TMC7: variants seen among roughly 807,000 people sequenced by gnomAD.
The protein encoded by TMC7 is transmembrane channel like 7, also known as transmembrane channel-like protein 7.
TMC7 carries 54 observed loss-of-function variants against 82.9 expected under a neutral mutation model. The ratio of observed to expected loss-of-function variants is 0.65; its 90% CI spans 0.52 to 0.82. TMC7 has a LOEUF of 0.82. TMC7 is among the 40% of genes least tolerant of loss of function. TMC7 has a pLI of 0.00. For missense variants in TMC7, 820 were observed against 901.2 expected (o/e 0.91, Z 1.15); for synonymous variants, 350 against 337.9 (o/e 1.04, Z -0.39).
chr16:19,050,653 T>G (rs1961495828), intron 12 of TMC7, among the ~76,000 whole-genome samples: 1 of 151,988 alleles, frequency 6.6e-6, no homozygotes, highest in South Asian at 2.1e-4. Context: ...CATGGCTGGC[T>G]AATTTTTGTA....
chr16:19,061,953 T>C lies in TMC7; in HGVS notation c.*110T>C. On this transcript the variant is annotated 3_prime_UTR_variant, in exon 16 of 16. Transcript: ENST00000304381. ...TTGAGTGGACATTTAAAAATATATT[T>C]TTCTTGAGTTTAGGCTTTTCCATAT... The C allele has an allele frequency of 1.1e-6, 1 of 886,944 alleles. No individual in the cohort carries two copies. The highest frequency in any genetic ancestry group is 1.7e-6 in the Non-Finnish European group (1 of 599,510). The allele number at this position is 886,944 out of a possible 1,614,324, so 54.9% of individuals were successfully genotyped here. A position where few individuals can be genotyped will look rare whatever the true frequency, so the allele number is the denominator to read the frequency against.
chr16:19,009,940 CAAA>C (rs773991777), intron 2 of TMC7, among the ~76,000 whole-genome samples: 5 of 97,316 alleles, frequency 5.1e-5, no homozygotes, highest in Non-Finnish European at 4.1e-5. Context: ...GACTCCAGCT[CAAA>C]AAAAAAAAAA....
chr16:19,023,182 T>G lies in TMC7; in HGVS notation c.698T>G (p.Leu233Trp). 1 of 1,598,804 alleles carries G rather than the reference T, an allele frequency of 6.3e-7. No homozygotes were observed. Among genetic ancestry groups the G allele is most frequent in the Non-Finnish European group, 8.6e-7 (1 of 1,167,074 alleles). Residue 233 changes from leucine to tryptophan, a missense_variant, in exon 5 of 16, where the codon TTG (leucine) becomes TGG (tryptophan). By Grantham distance (61) the Leu-to-Trp change is moderately conservative. Coordinates refer to ENST00000304381, the MANE Select transcript of TMC7 (RefSeq NM_024847.4). The part of the protein sequence containing the change: ...LIYFYSYIID[L>W]LSGTGFLEET... The stretch of plus-strand genomic sequence containing the variant: ...TACTTTTACAGTTATATCATAGACT[T>G]GCTTTCTGGCACTGTAAGTATTTAA...
At position 19,047,203 on chromosome 16, in the gene TMC7, C is replaced by T. The variant is rs1961315660; in HGVS notation, c.1694C>T (p.Pro565Leu). ...GGAGCCTTTTTCTCACCCCTTCTCC[C>T]TGCAATTGCAACCCTGAAATTCATT... ...WIGAFFSPLLPAIATLKFIII... is the reference protein window; with the variant it reads ...WIGAFFSPLLLAIATLKFIII... Residue 565 changes from proline (P) to leucine (L), a missense_variant, in exon 12 of 16, where the codon CCT becomes CTT. By Grantham distance (98) the Pro-to-Leu change is moderately conservative. This residue lies in a region of TMC7 where 170 missense variants were observed against 231.3 expected (regional missense o/e 0.74). Coordinates refer to ENST00000304381, the MANE Select transcript of TMC7 (RefSeq NM_024847.4). The T allele has an allele frequency of 6.2e-7, 1 of 1,613,984 alleles. No homozygotes were observed.
At chr16:19,051,203 CCTT>C (rs2142302293) in intron 12 of TMC7, among the ~76,000 whole-genome samples, 1 of 149,124 alleles carries the variant, frequency 6.7e-6, no homozygotes, top group East Asian at 2.0e-4. Flanking sequence ...CTGGATGAAA[CCTT>C]TTTTTTTTTG....
At chr16:19,048,738 A>G (rs1222390578) in intron 12 of TMC7, among the ~76,000 whole-genome samples, 2 of 152,214 alleles carry the variant, frequency 1.3e-5, no homozygotes, top group East Asian at 1.9e-4. Context: ...TCTTTATTAT[A>G]GAGGCAATAC....
chr16:19,032,908 T>C (rs917177743), intron 6 of TMC7, among the ~76,000 whole-genome samples: 2 of 152,170 alleles, frequency 1.3e-5, no homozygotes, highest in African/African-American at 4.8e-5. Context: ...ATTACAGGCG[T>C]GAGCCACCGC....
intron 2 of TMC7, chr16:19,012,141 A>G (rs1959394510): frequency 1.3e-5 from 2 of 152,070 alleles, no homozygotes; most frequent in African/African-American, 4.8e-5. Context: ...AAAAAAAAAA[A>G]AAAAAAAGTA....
At chr16:19,005,056 T>TTTTA (rs141697169) in intron 1 of TMC7, among the ~76,000 whole-genome samples, 16,970 of 144,126 alleles carry the variant, frequency 0.12, 1,062 homozygotes, top group Non-Finnish European at 0.13. Flanking sequence ...AAATACTTTA[T>TTTTA]TTTATTTATT....
In TMC7 at chr16:19,009,271, T is replaced by A; in HGVS notation, c.167T>A (p.Val56Asp). ...YRSIARRRTT[V>D]HSRDKQSGTL... ...TCCATTGCACGTAGGAGAACGACTGTCCATTCCCGGGACAAGCAAAGCGGA... is the reference window on the plus strand; with the variant it reads ...TCCATTGCACGTAGGAGAACGACTGACCATTCCCGGGACAAGCAAAGCGGA... The change falls in exon 2 of 16, where the codon GTC becomes GAC. Residue 56 changes from valine to aspartate, a missense_variant. Physicochemically the swap from Val to Asp is radical, Grantham distance 152. This residue lies in a region of TMC7 where 650 missense variants were observed against 669.9 expected (regional missense o/e 0.97). Coordinates refer to ENST00000304381, the MANE Select transcript of TMC7 (RefSeq NM_024847.4). 6.2e-7 allele frequency: 1 copy of A among 1,614,172 alleles called. No homozygotes were observed. Among genetic ancestry groups the A allele is most frequent in the Non-Finnish European group, 8.5e-7 (1 of 1,180,030 alleles).
chr16:18,994,986 T>TA (rs1567499570), intron 1 of TMC7, among the ~76,000 whole-genome samples: 1 of 151,500 alleles, frequency 6.6e-6, no homozygotes, highest in Admixed American at 6.6e-5. Flanking sequence ...TGGATTAAGG[T>TA]GGGGAGATAC....
chr16:19,021,754 A>T lies in TMC7; in HGVS notation c.586A>T (p.Ile196Phe). The T allele has an allele frequency of 6.2e-7, 1 of 1,614,150 alleles. No homozygotes were observed. ...LLPVLLTKYK[I>F]TNSSFVLIPF... ...CCCAGTCTTACTCACGAAATACAAG[A>T]TCACCAACAGCAGCTTCGTGCTCAT... The change falls in exon 4 of 16, where the codon ATC becomes TTC. Residue 196 changes from isoleucine to phenylalanine, a missense_variant. Ile to Phe is a conservative substitution (Grantham distance 21, BLOSUM62 0). Coordinates refer to ENST00000304381, the MANE Select transcript of TMC7 (RefSeq NM_024847.4).
intron 14 of TMC7, among the ~76,000 whole-genome samples, chr16:19,058,550 TTCTC>T (rs915618460): frequency 1.3e-5 from 2 of 152,168 alleles, no homozygotes; most frequent in African/African-American, 4.8e-5. Flanking sequence ...AACCATGTCA[TTCTC>T]TCTCTTTCTG....
intron 1 of TMC7, among the ~76,000 whole-genome samples, chr16:18,990,855 A>G (rs1336742729): frequency 6.6e-6 from 1 of 152,118 alleles, no homozygotes; most frequent in African/African-American, 2.4e-5. Flanking sequence ...AACAGATCAC[A>G]ATGGTGGAAT....
Position 19,009,260 on chromosome 16 carries a change from G to A in TMC7, c.156G>A (p.Arg52=), listed in dbSNP as rs1418931439. ...ELPSYRSIAR[R]RTTVHSRDKQ... ...CAAGCTACCGGTCCATTGCACGTAG[G>A]AGAACGACTGTCCATTCCCGGGACA... The change falls in exon 2 of 16, where the codon AGG becomes AGA. Residue 52 remains arginine (R), a synonymous_variant. Transcript: ENST00000304381. 6.2e-7 allele frequency: 1 copy of A among 1,614,150 alleles called. No individual in the cohort carries two copies. The highest frequency in any genetic ancestry group is 8.5e-7 in the Non-Finnish European group (1 of 1,180,030).
intron 9 of TMC7, among the ~76,000 whole-genome samples, chr16:19,042,287 G>A (rs1961048892): frequency 6.6e-6 from 1 of 151,934 alleles, no homozygotes; most frequent in South Asian, 2.1e-4. Context: ...TGACCCTCCT[G>A]CCTCAGTCTC....
chr16:19,011,621 G>A (rs4780775), intron 2 of TMC7, among the ~76,000 whole-genome samples: 54,901 of 151,816 alleles, frequency 0.36, 10,606 homozygotes, highest in African/African-American at 0.48. Flanking sequence ...GAAGGCTGAG[G>A]TAGGTGTATC....
At chr16:19,061,126 C>G (rs1961990320) in intron 15 of TMC7, among the ~76,000 whole-genome samples, 1 of 152,018 alleles carries the variant, frequency 6.6e-6, no homozygotes, top group Non-Finnish European at 1.5e-5. Flanking sequence ...GCCTCAGCAT[C>G]CCAAGTAGAT....
intron 1 of TMC7, among the ~76,000 whole-genome samples, chr16:19,006,054 C>T (rs2039234170): frequency 6.6e-6 from 1 of 152,224 alleles, no homozygotes; most frequent in African/African-American, 2.4e-5. Context: ...TGCCCCTGCC[C>T]ATCCTCATCC....
Sources: allele counts gnomAD v4.1 joint callset (sites outside exome capture counted in the v4.1 genomes callset), GRCh38; gene constraint gnomAD v4.1.1; regional missense constraint gnomAD v4.1.1; transcripts MANE v1.5; gene names NCBI Gene and HGNC (gene_info 2026-07-23, HGNC 2026-07-21).